ABCD3: variants seen among roughly 807,000 people sequenced by gnomAD.
ABCD3 encodes the protein ATP binding cassette subfamily D member 3.
Under a neutral mutation model 105.5 loss-of-function variants are expected in ABCD3, and 41 were observed. The ratio of observed to expected loss-of-function variants is 0.39; its 90% confidence interval spans 0.30 to 0.50. ABCD3 has a LOEUF of 0.50. Among genes scored for constraint, ABCD3 ranks in the 20% least tolerant of loss-of-function variants. The probability of loss-of-function intolerance (pLI) is 0.84; values close to 1 mark genes in which losing one functional copy is unlikely to be tolerated. For missense variants in ABCD3, 622 were observed against 806.3 expected, an observed-to-expected ratio of 0.77 and a Z score of 2.77; for synonymous variants, 258 against 269.0, an observed-to-expected ratio of 0.96 and a Z score of 0.40.
Position 94,516,957 on chromosome 1 carries a change from T to C in ABCD3, c.1903-95T>C, listed in dbSNP as rs1650947226. 2 of 908,448 alleles carry C rather than the reference T, an allele frequency of 2.2e-6. 1 individual carries two copies. The highest frequency in any genetic ancestry group is 2.6e-5 in the South Asian group (2 of 76,300). 56.3% of individuals were successfully genotyped at this position (908,448 alleles called of 1,614,324 possible). On this transcript the variant is annotated intron_variant, in intron 22 of 22. Transcript: ENST00000370214. Reference sequence around the variant, plus strand: ...GGGATGCTTATAGATTTAGCTCCCTTAAAATAATGAGGAAGTCTGTATTTT... The same window carrying C: ...GGGATGCTTATAGATTTAGCTCCCTCAAAATAATGAGGAAGTCTGTATTTT...
chr1:94,400,306 G>C, the ABCD3 span, among the ~76,000 whole-genome samples: 1 of 151,830 alleles, frequency 6.6e-6, no homozygotes, highest in Non-Finnish European at 1.5e-5. Context: ...TCAGGAGGTT[G>C]AGGCAGGAGA....
chr1:94,448,931 A>T (rs1239006320), intron 1 of ABCD3, among the ~76,000 whole-genome samples: 1 of 152,210 alleles, frequency 6.6e-6, no homozygotes, highest in Non-Finnish European at 1.5e-5. Context: ...TGAATCTAGC[A>T]TTATTAACTT....
At chr1:94,432,924 G>A (rs923658438) in intron 1 of ABCD3, among the ~76,000 whole-genome samples, 1 of 150,838 alleles carries the variant, frequency 6.6e-6, no homozygotes, top group Non-Finnish European at 1.5e-5. Context: ...GCACTATCTC[G>A]GCTCACTGCA....
Position 94,478,269 on chromosome 1 carries a change from A to G in ABCD3, c.638A>G (p.Asp213Gly). ...LYSNLSKPFL[D>G]IVLYIFKLTS... ...ATATTTATTTTACAGCCATTTTTAGACATAGTTTTGTATATCTTTAAGTTA... is the reference window on the plus strand; with the variant it reads ...ATATTTATTTTACAGCCATTTTTAGGCATAGTTTTGTATATCTTTAAGTTA... The change falls in exon 8 of 23, where the codon GAC becomes GGC. Residue 213 changes from aspartate to glycine, a missense_variant. Around this residue, in one of 4 missense-constraint regions of ABCD3, gnomAD observed 245 missense variants for 356.4 expected, o/e 0.69. Coordinates refer to ENST00000370214, the MANE Select transcript of ABCD3 (RefSeq NM_002858.4). The G allele has an allele frequency of 6.3e-7, 1 of 1,594,862 alleles. No individual in the cohort carries two copies. The highest frequency in any genetic ancestry group is 8.6e-7 in the Non-Finnish European group (1 of 1,164,782).
At chr1:94,413,493 T>A (rs547288677), upstream of ABCD3, among the ~76,000 whole-genome samples, 1 of 152,244 alleles carries the variant, frequency 6.6e-6, no homozygotes, top group African/African-American at 2.4e-5. Flanking sequence ...TCTGAGTCCA[T>A]CAGAAAGTCT....
chr1:94,424,355 C>G (rs1659384695), intron 1 of ABCD3, among the ~76,000 whole-genome samples: 1 of 152,110 alleles, frequency 6.6e-6, no homozygotes. Context: ...TGCTTACTCT[C>G]CCCACTCTTT....
the ABCD3 span, among the ~76,000 whole-genome samples, chr1:94,412,064 T>A: frequency 2.0e-5 from 3 of 152,136 alleles, no homozygotes; most frequent in Admixed American, 2.0e-4. Flanking sequence ...GTTTTAAAAC[T>A]AGGTAGAAGT....
chr1:94,461,891 A>G (rs771143389), intron 2 of ABCD3, among the ~76,000 whole-genome samples: 2 of 152,192 alleles, frequency 1.3e-5, no homozygotes, highest in African/African-American at 2.4e-5. Flanking sequence ...TAAATGATAC[A>G]TAATAGTTGT....
chr1:94,470,883 C>T (rs1201281462), intron 4 of ABCD3, among the ~76,000 whole-genome samples: 1 of 151,946 alleles, frequency 6.6e-6, no homozygotes, highest in Non-Finnish European at 1.5e-5. Context: ...AGCAATCATT[C>T]TTTTAAGTAT....
intron 21 of ABCD3, among the ~76,000 whole-genome samples, chr1:94,512,675 T>C (rs1274375497): frequency 6.6e-6 from 1 of 152,068 alleles, no homozygotes; most frequent in African/African-American, 2.4e-5. Context: ...CTGCTTTTAG[T>C]AGCTAAGTCT....
intron 2 of ABCD3, among the ~76,000 whole-genome samples, chr1:94,460,451 C>T (rs1647815089): frequency 6.6e-6 from 1 of 152,046 alleles, no homozygotes; most frequent in African/African-American, 2.4e-5. Context: ...TCTTATTTCT[C>T]CATTGAGACC....
chr1:94,387,474 C>T, the ABCD3 span, among the ~76,000 whole-genome samples: 1 of 152,186 alleles, frequency 6.6e-6, no homozygotes, highest in Non-Finnish European at 1.5e-5. Flanking sequence ...CTCCCATTTT[C>T]CTTCTCATCC....
chr1:94,498,942 C>T lies in ABCD3; in HGVS notation c.1531-3C>T, dbSNP rs1649966289. The T allele has an allele frequency of 6.2e-7, 1 of 1,613,340 alleles. No individual in the cohort carries two copies. Reference sequence around the variant, plus strand: ...TAATTGACTTTTGCTCTACTACTGTCAGAGACCTTACATGACCCTTGGAAC... The same window carrying T: ...TAATTGACTTTTGCTCTACTACTGTTAGAGACCTTACATGACCCTTGGAAC... On this transcript the variant is annotated splice_region_variant and splice_polypyrimidine_tract_variant and intron_variant, in intron 18 of 22. Coordinates refer to ENST00000370214, the MANE Select transcript of ABCD3 (RefSeq NM_002858.4).
In ABCD3 at chr1:94,487,768, A is replaced by G. The variant is rs1358190515; in HGVS notation, c.1042A>G (p.Ser348Gly). The stretch of plus-strand genomic sequence containing the variant: ...TTTGTCTCATCCTCGACATCTCAAG[A>G]GTACACATTCGGAACTTCTAGAGGT... ...LDLSHPRHLK[S>G]THSELLEDYY... Residue 348 changes from serine (S) to glycine (G), a missense_variant, in exon 12 of 23, where the codon AGT becomes GGT. Around this residue, in one of 4 missense-constraint regions of ABCD3, gnomAD observed 245 missense variants for 356.4 expected, o/e 0.69. Coordinates refer to ENST00000370214, the MANE Select transcript of ABCD3 (RefSeq NM_002858.4). The G allele has an allele frequency of 2.5e-6, 4 of 1,613,900 alleles. No individual in the cohort carries two copies. In the African/African-American group the frequency reaches 5.3e-5, roughly 22 times the overall value.
At chr1:94,477,278 A>C (rs1246977048) in intron 7 of ABCD3, among the ~76,000 whole-genome samples, 1 of 150,962 alleles carries the variant, frequency 6.6e-6, no homozygotes, top group Non-Finnish European at 1.5e-5. Flanking sequence ...GTAGATGTTG[A>C]AACAAGCCAG....
Position 94,517,347 on chromosome 1 carries a change from A to G in ABCD3, c.*218A>G, listed in dbSNP as rs976787340. The G allele has an allele frequency of 8.5e-6, 4 of 470,746 alleles. No homozygotes were observed. The highest frequency in any genetic ancestry group is 2.0e-5 in the African/African-American group (1 of 50,386). The allele number at this position is 470,746 out of a possible 1,614,324, so 29.2% of individuals were successfully genotyped here. On this transcript the variant is annotated 3_prime_UTR_variant, in exon 23 of 23. Transcript: ENST00000370214. ...TGTATATGTTGGTTTAATTAATAAT[A>G]TGTACTAAGAATGTCCTTATTCTTG...
chr1:94,406,351 T>C, the ABCD3 span: 3 of 221,648 alleles, frequency 1.4e-5, no homozygotes, highest in African/African-American at 7.0e-5. Flanking sequence ...TTTTTTTTTT[T>C]TTTTTTACAG....
the ABCD3 span, among the ~76,000 whole-genome samples, chr1:94,401,343 G>T: frequency 6.6e-6 from 1 of 152,242 alleles, no homozygotes; most frequent in African/African-American, 2.4e-5. Flanking sequence ...AATACGGAAT[G>T]GTGCCCAAAC....
intron 1 of ABCD3, among the ~76,000 whole-genome samples, chr1:94,424,826 A>G (rs755906657): frequency 1.3e-5 from 2 of 152,212 alleles, no homozygotes; most frequent in African/African-American, 4.8e-5. Context: ...TGTCTGTTGT[A>G]TATGTTTGCA....
Sources: gnomAD v4.1 joint callset for allele counts (sites outside exome capture counted in the v4.1 genomes callset) on GRCh38, gnomAD v4.1.1 for gene constraint, gnomAD v4.1.1 regional missense constraint, MANE v1.5 for transcripts, NCBI Gene and HGNC (gene_info 2026-07-23, HGNC 2026-07-21) for gene names.